The following DST variants were observed in gnomAD, a reference collection of about 807,000 sequenced individuals.
DST encodes dystonin.
A neutral mutation model predicts 875.2 loss-of-function variants in DST; 253 were observed. The ratio of observed to expected loss-of-function variants is 0.29; its 90% CI spans 0.26 to 0.32. The LOEUF (loss-of-function observed/expected upper bound fraction) is 0.32, where lower values mean the gene tolerates loss of function less well. DST is among the 10% of genes least tolerant of loss of function. The probability of loss-of-function intolerance (pLI) is 1.00; values close to 1 mark genes in which losing one functional copy is unlikely to be tolerated. For missense variants in DST, 8,287 were observed against 9,111.6 expected, an observed-to-expected ratio of 0.91 and a Z score of 3.68; for synonymous variants, 3,124 against 3,197.1, an observed-to-expected ratio of 0.98 and a Z score of 0.77.
chr6:56,585,392 G>A (rs1242867519), intron 49 of DST, among the ~76,000 whole-genome samples: 1 of 152,138 alleles, frequency 6.6e-6, no homozygotes. Flanking sequence ...AGAGGTGTTT[G>A]TAGTATTCTC....
At chr6:56,686,279 T>C (rs1167494747) in intron 9 of DST, among the ~76,000 whole-genome samples, 1 of 152,108 alleles carries the variant, frequency 6.6e-6, no homozygotes, top group Non-Finnish European at 1.5e-5. Context: ...GACGGAACAA[T>C]AAACACTGGG....
At chr6:56,942,018 C>A (rs1039693471) in intron 2 of DST, among the ~76,000 whole-genome samples, 1 of 152,188 alleles carries the variant, frequency 6.6e-6, no homozygotes. Flanking sequence ...GTTAGATACA[C>A]ATTTATGATA....
At chr6:56,934,680 T>C (rs1187183868) in intron 2 of DST, among the ~76,000 whole-genome samples, 1 of 148,040 alleles carries the variant, frequency 6.8e-6, no homozygotes, top group Non-Finnish European at 1.5e-5. Flanking sequence ...ATCACCAAAA[T>C]GGAGAGATCA....
chr6:56,741,604 A>G (rs936898563), intron 4 of DST, among the ~76,000 whole-genome samples: 81 of 152,278 alleles, frequency 5.3e-4, no homozygotes, highest in African/African-American at 1.9e-3. Flanking sequence ...AAATCACACC[A>G]CTTTCCATAC....
intron 10 of DST, among the ~76,000 whole-genome samples, chr6:56,663,625 TCACC>T (rs2099056374): frequency 6.6e-6 from 1 of 152,246 alleles, no homozygotes; most frequent in Non-Finnish European, 1.5e-5. Context: ...TGTGACTGAA[TCACC>T]GGCCTCCAGG....
chr6:56,736,499 C>T (rs2099524723), intron 4 of DST, among the ~76,000 whole-genome samples: 1 of 152,204 alleles, frequency 6.6e-6, no homozygotes. Context: ...TCTCTCCTTT[C>T]TGCCTCCAGG....
intron 2 of DST, among the ~76,000 whole-genome samples, chr6:56,926,026 T>C (rs1806902697): frequency 6.6e-6 from 1 of 152,182 alleles, no homozygotes; most frequent in Non-Finnish European, 1.5e-5. Flanking sequence ...TAAGCAGATG[T>C]AGAAAGTGTG....
intron 36 of DST, chr6:56,619,433 A>T (rs1281480926): frequency 6.2e-7 from 1 of 1,612,360 alleles, no homozygotes; most frequent in African/African-American, 1.3e-5. Flanking sequence ...GCTTTTCTCA[A>T]ATTGTTCTTT....
intron 2 of DST, among the ~76,000 whole-genome samples, chr6:56,935,910 C>T (rs991670909): frequency 4.6e-5 from 7 of 151,836 alleles, no homozygotes; most frequent in African/African-American, 9.7e-5. Context: ...GGTGACAGAA[C>T]GAGACTCTGT....
chr6:56,628,276 G>T, intron 32 of DST, 115 bp from the exon 33 acceptor site: 1 of 905,718 alleles, frequency 1.1e-6, no homozygotes, highest in Non-Finnish European at 1.8e-6. Context: ...AGCACAAGAC[G>T]GGTATGTATA....
intron 3 of DST, among the ~76,000 whole-genome samples, chr6:56,878,197 T>C (rs1479263586): frequency 6.6e-6 from 1 of 152,178 alleles, no homozygotes; most frequent in African/African-American, 2.4e-5. Flanking sequence ...AGAGATTGTT[T>C]TGTAGAAAGC....
intron 51 of DST, 81 bp downstream of exon 51, chr6:56,573,598 C>T (rs1425102211): frequency 9.4e-7 from 1 of 1,068,562 alleles, no homozygotes; most frequent in Non-Finnish European, 1.4e-6. Context: ...TTAAGTTTAT[C>T]TTAAATCTAA....
At chr6:56,810,155 C>T (rs143038453) in intron 4 of DST, among the ~76,000 whole-genome samples, 15 of 152,158 alleles carry the variant, frequency 9.9e-5, no homozygotes, top group African/African-American at 3.4e-4. Flanking sequence ...AGCAAGACCC[C>T]ACCTCTATAA....
chr6:56,858,567 C>G (rs911587160), intron 3 of DST, among the ~76,000 whole-genome samples: 46 of 152,078 alleles, frequency 3.0e-4, no homozygotes, highest in African/African-American at 1.0e-3. Flanking sequence ...TGTATATATG[C>G]CACATTCATT....
At chr6:56,689,375 T>C (rs957814411) in intron 9 of DST, among the ~76,000 whole-genome samples, 1 of 152,156 alleles carries the variant, frequency 6.6e-6, no homozygotes, top group Non-Finnish European at 1.5e-5. Flanking sequence ...GTAGTCCACA[T>C]TGCTTATCAG....
intron 2 of DST, among the ~76,000 whole-genome samples, chr6:56,948,873 G>C (rs1317405516): frequency 6.6e-6 from 1 of 152,172 alleles, no homozygotes; most frequent in Non-Finnish European, 1.5e-5. Context: ...TCTACAGCAT[G>C]ACACTTTGTA....
chr6:56,611,468 T>C, intron 38 of DST, 40 bp downstream of exon 38: 1 of 1,405,968 alleles, frequency 7.1e-7, no homozygotes, highest in Non-Finnish European at 1.0e-6. Flanking sequence ...TAAGAATACT[T>C]CCCCACTTAA....
chr6:56,608,481 T>C lies in DST; in HGVS notation c.6147A>G (p.Val2049=), dbSNP rs1563158517. 2.5e-6 allele frequency: 4 copies of C among 1,613,720 alleles called. No individual in the cohort carries two copies. Among genetic ancestry groups the C allele is most frequent in the Admixed American group, 1.7e-5 (1 of 59,926 alleles). ...TGCTGGAAGTTATTAAATCACACTG[T>C]ACTGCTTCGTCTACAGTTAAACGCT... The part of the protein sequence containing the change: ...PAKRLTVDEA[V]QCDLITSSSA... Residue 2049 remains valine, a synonymous_variant, in exon 40 of 104, where the codon GTA becomes GTG. Coordinates refer to ENST00000680361, the MANE Select transcript of DST (RefSeq NM_001374736.1).
chr6:56,476,208 C>T lies in DST; in HGVS notation c.21805G>A (p.Asp7269Asn). Reference sequence around the variant, plus strand: ...ATCTCCTGGGGGATGACTTCTTTATCCTTATCAGTAAGTGTAGTTTCAGCC... The same window carrying T: ...ATCTCCTGGGGGATGACTTCTTTATTCTTATCAGTAAGTGTAGTTTCAGCC... The part of the protein sequence containing the change: ...QWAETTLTDK[D>N]KEVIPQEIEE... Residue 7269 changes from aspartate (D) to asparagine (N), a missense_variant, in exon 92 of 104, where the codon GAT (aspartate) becomes AAT (asparagine). By Grantham distance (23) the Asp-to-Asn change is conservative. Transcript: ENST00000680361. The T allele has an allele frequency of 1.2e-6, 2 of 1,613,002 alleles. No homozygotes were observed. The highest frequency in any genetic ancestry group is 1.1e-5 in the South Asian group (1 of 90,766).
Sources: gnomAD v4.1 joint callset for allele counts (sites outside exome capture counted in the v4.1 genomes callset) on GRCh38, gnomAD v4.1.1 for gene constraint, MANE v1.5 for transcripts, NCBI Gene and HGNC (gene_info 2026-07-23, HGNC 2026-07-21) for gene names.